COPZ1: variants seen among roughly 807,000 people sequenced by gnomAD.
COPZ1 encodes the protein coatomer subunit zeta-1.
COPZ1 carries 4 observed loss-of-function variants against 31.7 expected under a neutral mutation model. The observed-to-expected ratio is 0.13, with a 90% CI of 0.06 to 0.29. COPZ1 has a LOEUF of 0.29. Ranked by LOEUF, COPZ1 falls within the 10% of genes least tolerant of loss-of-function variation. The pLI is 1.00. For missense variants in COPZ1, 156 were observed against 211.5 expected, an observed-to-expected ratio of 0.74 and a Z score of 1.63; for synonymous variants, 74 against 79.0, an observed-to-expected ratio of 0.94 and a Z score of 0.33.
At position 54,343,272 on chromosome 12, in the gene COPZ1, A is replaced by T. The variant is rs1196696586; in HGVS notation, c.217A>T (p.Ile73Leu). 1 of 1,613,852 alleles carries T rather than the reference A, an allele frequency of 6.2e-7. No individual in the cohort carries two copies. The highest frequency in any genetic ancestry group is 1.7e-5 in the Admixed American group (1 of 60,010). The part of the protein sequence containing the change: ...EGLTVVYKSS[I>L]DLYFYVIGSS... ...CCTGACAGTGGTATACAAAAGCAGT[A>T]TAGATCTCTATTTCTATGTGATTGG... The change falls in exon 4 of 9, where the codon ATA becomes TTA. Residue 73 changes from isoleucine to leucine, a missense_variant. By Grantham distance (5) the Ile-to-Leu change is conservative. Transcript: ENST00000262061.
chr12:54,328,878 AC>A (rs986609286), intron 1 of COPZ1, among the ~76,000 whole-genome samples: 1 of 152,240 alleles, frequency 6.6e-6, no homozygotes, highest in Non-Finnish European at 1.5e-5. Flanking sequence ...AGAAAAAGGG[AC>A]AGGTAAGCTA....
intron 3 of COPZ1, 53 bp downstream of exon 3, chr12:54,342,340 A>G (rs1364543409): frequency 6.8e-6 from 9 of 1,317,730 alleles, no homozygotes; most frequent in Non-Finnish European, 6.6e-6. Flanking sequence ...CATGGTGGAA[A>G]GGGGGTGGTA....
chr12:54,340,010 TGTG>T (rs898724601), intron 1 of COPZ1, among the ~76,000 whole-genome samples: 2 of 151,450 alleles, frequency 1.3e-5, no homozygotes, highest in African/African-American at 4.9e-5. Flanking sequence ...TGTGTGTGTG[TGTG>T]TGTGTGTAAA....
chr12:54,337,460 C>G (rs918468316), intron 1 of COPZ1: 1 of 335,878 alleles, frequency 3.0e-6, no homozygotes, highest in African/African-American at 2.2e-5. Flanking sequence ...AAGCCCATTT[C>G]TCAGTAGCTG....
chr12:54,336,536 C>CA lies in COPZ1; in HGVS notation c.19-3999dup, dbSNP rs141482853. On this transcript the variant is annotated intron_variant, in intron 1 of 8. Coordinates refer to ENST00000262061, the MANE Select transcript of COPZ1 (RefSeq NM_016057.3). Reference sequence around the variant, plus strand: ...TGGGCGACAGAGCGAGACTCCGTCTCAAAAAAAAAAAAGCTCTTATCCAGA... The same window carrying CA: ...TGGGCGACAGAGCGAGACTCCGTCTCAAAAAAAAAAAAAGCTCTTATCCAGA... Among the ~76,000 whole-genome samples the CA allele has an allele frequency of 5.8e-3, 772 of 133,664 alleles. 10 individuals carry two copies. Among genetic ancestry groups the CA allele is most frequent in the African/African-American group, 0.018 (646 of 36,516 alleles). 87.7% of individuals were successfully genotyped at this position (133,664 alleles called of 152,430 possible). A position where few individuals can be genotyped will look rare whatever the true frequency, so the allele number is the denominator to read the frequency against.
intron 7 of COPZ1, among the ~76,000 whole-genome samples, chr12:54,348,460 T>A (rs574192131): frequency 2.6e-5 from 4 of 152,272 alleles, no homozygotes; most frequent in African/African-American, 9.6e-5. Flanking sequence ...TACATAGGAC[T>A]GAGCGTGGTG....
intron 5 of COPZ1, among the ~76,000 whole-genome samples, 187 bp downstream of exon 5, chr12:54,345,702 A>G (rs1954049563): frequency 6.6e-6 from 1 of 152,102 alleles, no homozygotes; most frequent in African/African-American, 2.4e-5. Flanking sequence ...TCACGTTCGT[A>G]ATCCCAGTAC....
chr12:54,332,472 C>T (rs1953774652), intron 1 of COPZ1, among the ~76,000 whole-genome samples: 1 of 151,694 alleles, frequency 6.6e-6, no homozygotes, highest in African/African-American at 2.4e-5. Flanking sequence ...CATGGTAGCT[C>T]ACGCGTGTAA....
chr12:54,332,273 T>C (rs1389903609), intron 1 of COPZ1, among the ~76,000 whole-genome samples: 2 of 150,180 alleles, frequency 1.3e-5, no homozygotes, highest in Non-Finnish European at 3.0e-5. Flanking sequence ...AGTGAGCCAC[T>C]GCACTCCAGC....
intron 1 of COPZ1, among the ~76,000 whole-genome samples, chr12:54,332,756 A>C (rs1453115786): frequency 6.6e-6 from 1 of 151,966 alleles, no homozygotes; most frequent in Non-Finnish European, 1.5e-5. Context: ...GGGAAAAAAA[A>C]AAAGAAAGCT....
intron 3 of COPZ1, chr12:54,342,588 A>T: frequency 2.5e-6 from 1 of 395,530 alleles, no homozygotes. Context: ...GGTAAATGGA[A>T]GTCTGTAAAG....
intron 1 of COPZ1, among the ~76,000 whole-genome samples, chr12:54,328,701 A>T (rs1953704101): frequency 6.6e-6 from 1 of 152,210 alleles, no homozygotes; most frequent in Non-Finnish European, 1.5e-5. Flanking sequence ...AATAGGCTGC[A>T]TTCACAGATC....
At chr12:54,350,411 C>A (rs1427963885) in intron 8 of COPZ1, 65 bp from the exon 9 acceptor site, 2 of 1,274,716 alleles carry the variant, frequency 1.6e-6, no homozygotes, top group African/African-American at 2.9e-5. Context: ...GAAGGAGATC[C>A]CCAGCCCTCA....
chr12:54,349,858 G>T, intron 8 of COPZ1, 200 bp downstream of exon 8: 1 of 652,728 alleles, frequency 1.5e-6, no homozygotes, highest in South Asian at 1.7e-5. Flanking sequence ...TCAGTTACCT[G>T]TGAGCAGTGG....
At chr12:54,340,233 T>C (rs1953950754) in intron 1 of COPZ1, 2 of 411,144 alleles carry the variant, frequency 4.9e-6, no homozygotes, top group East Asian at 4.0e-5. Context: ...AGAGGGTAAT[T>C]TGGAAAATAA....
chr12:54,325,353 T>C, intron 1 of COPZ1, 172 bp downstream of exon 1: 1 of 897,580 alleles, frequency 1.1e-6, no homozygotes, highest in Non-Finnish European at 1.6e-6. Flanking sequence ...AAGCCTTGGT[T>C]TAGAGTAGGA....
At chr12:54,346,699 T>TA (rs1362520287) in intron 5 of COPZ1, 3 of 699,740 alleles carry the variant, frequency 4.3e-6, no homozygotes, top group Non-Finnish European at 7.8e-6. Flanking sequence ...CTGCAAAAAA[T>TA]AAAAAAATTA....
chr12:54,340,749 G>A, intron 2 of COPZ1, 134 bp downstream of exon 2: 1 of 889,928 alleles, frequency 1.1e-6, no homozygotes, highest in Non-Finnish European at 1.7e-6. Context: ...TTTTTTTTTT[G>A]AGATGGAGTT....
chr12:54,337,309 T>C (rs1565592476), intron 1 of COPZ1: 1 of 534,160 alleles, frequency 1.9e-6, no homozygotes, highest in Admixed American at 1.9e-5. Context: ...TCTCGAAAGC[T>C]TTCTAGCAGC....
Sources: gnomAD v4.1 joint callset for allele counts (sites outside exome capture counted in the v4.1 genomes callset) on GRCh38, gnomAD v4.1.1 for gene constraint, MANE v1.5 for transcripts, NCBI Gene and HGNC (gene_info 2026-07-23, HGNC 2026-07-21) for gene names.